KCP: variants seen among roughly 807,000 people sequenced by gnomAD.
KCP encodes the protein kielin/chordin-like protein.
A neutral mutation model predicts 212.7 loss-of-function variants in KCP; 194 were observed. The observed-to-expected ratio is 0.91, with a 90% CI of 0.81 to 1.03. KCP has a LOEUF of 1.03. KCP is among the 50% of genes least tolerant of loss of function. The pLI is 0.00. For missense variants in KCP, 2,080 were observed against 2,162.5 expected (o/e 0.96, Z 0.76); for synonymous variants, 833 against 865.3 (o/e 0.96, Z 0.65).
In KCP at chr7:128,892,735, G is replaced by T; in HGVS notation, c.1480C>A (p.Gln494Lys). ...TYHSQVYANGQNFTDADSPCH... is the reference protein window; with the variant it reads ...TYHSQVYANGKNFTDADSPCH... ...GGGCTGTCTGCATCCGTGAAGTTCT[G>T]CCCATTGGCATACACTTGGCTGTGG... Residue 494 changes from glutamine to lysine, a missense_variant, in exon 15 of 40, where the codon CAG becomes AAG. By Grantham distance (53) the Gln-to-Lys change is moderately conservative. Coordinates refer to ENST00000610776, the MANE Select transcript of KCP (RefSeq NM_001366122.1). 6.4e-7 allele frequency: 1 copy of T among 1,551,722 alleles called. No individual in the cohort carries two copies. Among genetic ancestry groups the T allele is most frequent in the Non-Finnish European group, 8.7e-7 (1 of 1,146,960 alleles).
rs751461116 is a variant in KCP at position 128,910,556 on chromosome 7, G to C, written c.76+45C>G. 4.0e-6 allele frequency: 6 copies of C among 1,484,372 alleles called. No homozygotes were observed. In the South Asian group the frequency reaches 7.6e-5, roughly 19 times the overall value. The allele number at this position is 1,484,372 out of a possible 1,614,324, so 92.0% of individuals were successfully genotyped here. ...CTCAGGCCGGGCTGATAGGAGGGAG[G>C]GGGCGCACCTGGCCGGACCCCAAGC... On this transcript the variant is annotated intron_variant, in intron 1 of 39. Transcript: ENST00000610776.
intron 5 of KCP, chr7:128,904,499 T>A: frequency 1.3e-6 from 1 of 780,326 alleles, no homozygotes; most frequent in Non-Finnish European, 2.1e-6. Flanking sequence ...AGAGCTGGCT[T>A]ACTCTGCAGG....
intron 2 of KCP, 40 bp from the exon 3 acceptor site, chr7:128,907,493 TC>T: frequency 7.4e-7 from 1 of 1,346,462 alleles, no homozygotes. Context: ...TGGCTCAGCT[TC>T]CCCCACCATC....
Position 128,891,653 on chromosome 7 carries a change from G to A in KCP, c.1788C>T (p.Asp596=). 1 of 1,464,804 alleles carries A rather than the reference G, an allele frequency of 6.8e-7. No individual in the cohort carries two copies. Among genetic ancestry groups the A allele is most frequent in the Non-Finnish European group, 9.0e-7 (1 of 1,106,352 alleles). The allele number at this position is 1,464,804 out of a possible 1,614,324, so 90.7% of individuals were successfully genotyped here. The change falls in exon 17 of 40, where the codon GAC becomes GAT. Residue 596 remains aspartate, a synonymous_variant. Transcript: ENST00000610776. ...CTGACCCGCCCACCTCACCGCTGCAGTCGTTCGGGCAGCAGGTCCCAGGCA... is the reference window on the plus strand; with the variant it reads ...CTGACCCGCCCACCTCACCGCTGCAATCGTTCGGGCAGCAGGTCCCAGGCA... ...HPLPGTCCPN[D]CSGCAFGGKE...
Position 128,891,696 on chromosome 7 carries a change from G to T in KCP, c.1745C>A (p.Ala582Asp). 1 of 1,451,078 alleles carries T rather than the reference G, an allele frequency of 6.9e-7. No individual in the cohort carries two copies. The highest frequency in any genetic ancestry group is 9.1e-7 in the Non-Finnish European group (1 of 1,100,606). The allele number at this position is 1,451,078 out of a possible 1,614,324, so 89.9% of individuals were successfully genotyped here. A position where few individuals can be genotyped will look rare whatever the true frequency, so the allele number is the denominator to read the frequency against. ...CCCAGGCAGCGGGTGGGCACAGGGGGCCCTGGGGCAGGGGCGAGGCTGGCA... is the reference window on the plus strand; with the variant it reads ...CCCAGGCAGCGGGTGGGCACAGGGGTCCCTGGGGCAGGGGCGAGGCTGGCA... ...AHCQPRPCPR[A>D]PCAHPLPGTC... The change falls in exon 17 of 40, where the codon GCC (alanine) becomes GAC (aspartate). Residue 582 changes from alanine (A) to aspartate (D), a missense_variant. Ala to Asp is a moderately radical substitution (Grantham distance 126, BLOSUM62 -2). Coordinates refer to ENST00000610776, the MANE Select transcript of KCP (RefSeq NM_001366122.1).
Position 128,893,827 on chromosome 7 carries a change from GC to G in KCP, c.1077del (p.Gln360SerfsTer154), listed in dbSNP as rs1440133642. ...TCACCATCGCAGACAGGGCAGCACTGCCCAGGGATCTTGCCTGGGTGTCTGC... is the reference window on the plus strand; with the variant it reads ...TCACCATCGCAGACAGGGCAGCACTGCCAGGGATCTTGCCTGGGTGTCTGC... ...VPCRHPGKIP[G>X]QCCPVCDGCE... On this transcript the variant is annotated frameshift_variant, in exon 11 of 40. Coordinates refer to ENST00000610776, the MANE Select transcript of KCP (RefSeq NM_001366122.1). LOFTEE classifies it high-confidence loss of function. 1 of 1,550,868 alleles carries G rather than the reference GC, an allele frequency of 6.4e-7. No individual in the cohort carries two copies. Among genetic ancestry groups the G allele is most frequent in the Non-Finnish European group, 8.7e-7 (1 of 1,146,964 alleles).
chr7:128,905,387 C>T (rs10232166), intron 5 of KCP, among the ~76,000 whole-genome samples: 8,753 of 152,162 alleles, frequency 0.058, 633 homozygotes, highest in African/African-American at 0.16. Flanking sequence ...CAGTAACACC[C>T]CCCTGCATAG....
chr7:128,876,870 G>T lies in KCP; in HGVS notation c.*173C>A. The T allele has an allele frequency of 1.5e-6, 1 of 668,702 alleles. No homozygotes were observed. The highest frequency in any genetic ancestry group is 2.5e-5 in the South Asian group (1 of 39,858). The allele number at this position is 668,702 out of a possible 1,614,324, so 41.4% of individuals were successfully genotyped here. A position where few individuals can be genotyped will look rare whatever the true frequency, so the allele number is the denominator to read the frequency against. On this transcript the variant is annotated 3_prime_UTR_variant, in exon 40 of 40. Coordinates refer to ENST00000610776, the MANE Select transcript of KCP (RefSeq NM_001366122.1). ...CACACACACACAAGGAAGCCTTCGG[G>T]CAGGCCTAGAGTTTACTGCTGGTGA...
Position 128,893,912 on chromosome 7 carries a change from C to A in KCP, c.1006-13G>T, listed in dbSNP as rs1794347085. The A allele has an allele frequency of 6.4e-7, 1 of 1,550,880 alleles. No homozygotes were observed. Among genetic ancestry groups the A allele is most frequent in the Admixed American group, 2.0e-5 (1 of 50,982 alleles). On this transcript the variant is annotated splice_polypyrimidine_tract_variant and intron_variant, in intron 10 of 39. Transcript: ENST00000610776. The stretch of plus-strand genomic sequence containing the variant: ...GGACACTCCCATTCTGCCAACAGGG[C>A]CTGGTCAGCACGCCAGAGGCAGGCC...
rs1794352516 is a variant in KCP, at chr7:128,893,957, G to C, written c.1005+19C>G. On this transcript the variant is annotated intron_variant, in intron 10 of 39. Coordinates refer to ENST00000610776, the MANE Select transcript of KCP (RefSeq NM_001366122.1). ...CAGGCCCCGGAGCCAGGCCCTCCCT[G>C]CCAGGCAGCCACACTCACAGCACAG... 6.5e-7 allele frequency: 1 copy of C among 1,549,254 alleles called. No individual in the cohort carries two copies. The highest frequency in any genetic ancestry group is 1.4e-5 in the African/African-American group (1 of 73,150).
chr7:128,904,945 T>A (rs190057258), intron 5 of KCP, among the ~76,000 whole-genome samples: 65 of 152,300 alleles, frequency 4.3e-4, no homozygotes, highest in Middle Eastern at 6.8e-3. Context: ...AGACATCATA[T>A]AGGCTAGCAG....
chr7:128,877,706 G>A lies in KCP; in HGVS notation c.4396C>T (p.Arg1466Cys), dbSNP rs1048526164. The A allele has an allele frequency of 3.4e-5, 52 of 1,551,108 alleles. No individual in the cohort carries two copies. The highest frequency in any genetic ancestry group is 1.1e-4 in the African/African-American group (8 of 73,058). The change falls in exon 39 of 40, where the codon CGT becomes TGT. Residue 1466 changes from arginine to cysteine, a missense_variant. Transcript: ENST00000610776. ...ACCCCACACCGGGCATTGGCCTCAC[G>A]CCTGGCACGGTAACCTGCTGCCCGG... ...PCRAAGYRAR[R>C]EANARCGVLK...
chr7:128,877,475 C>T lies in KCP; in HGVS notation c.4618+9G>A, dbSNP rs1324014910. ...CTCCCCCAACCTGCAGCGGGCATCA[C>T]CCCCTCACCACACAGCGTGGGGCCT... On this transcript the variant is annotated intron_variant, in intron 39 of 39. Transcript: ENST00000610776. 6.4e-7 allele frequency: 1 copy of T among 1,550,630 alleles called. No individual in the cohort carries two copies. Among genetic ancestry groups the T allele is most frequent in the Non-Finnish European group, 8.7e-7 (1 of 1,146,712 alleles).
intron 2 of KCP, 114 bp downstream of exon 2, chr7:128,908,312 T>G: frequency 1.9e-6 from 1 of 517,432 alleles, no homozygotes; most frequent in Non-Finnish European, 2.7e-6. Flanking sequence ...GAAAGGGAAT[T>G]GTTCAGATAA....
In KCP at chr7:128,891,174, G is replaced by C. The variant is rs1353014471; in HGVS notation, c.1972+11C>G. Reference sequence around the variant, plus strand: ...CCCCAGGGAGGAGCAGCCGAGGGGTGCGGCCCCTACCTGGGCACTGCGGGC... The same window carrying C: ...CCCCAGGGAGGAGCAGCCGAGGGGTCCGGCCCCTACCTGGGCACTGCGGGC... On this transcript the variant is annotated intron_variant, in intron 19 of 39. Transcript: ENST00000610776. The C allele has an allele frequency of 6.5e-7, 1 of 1,541,862 alleles. No individual in the cohort carries two copies. The highest frequency in any genetic ancestry group is 8.7e-7 in the Non-Finnish European group (1 of 1,146,312).
At position 128,902,767 on chromosome 7, in the gene KCP, C is replaced by T; in HGVS notation, c.831+10G>A. On this transcript the variant is annotated intron_variant, in intron 8 of 39. Transcript: ENST00000610776. ...GAGGGGGACAGACCAGGAGCAGCCT[C>T]AGGACTCACCAGGCACCGGCAGATT... is the stretch of plus-strand genomic sequence containing the variant. 1 of 1,551,144 alleles carries T rather than the reference C, an allele frequency of 6.4e-7. No homozygotes were observed. Among genetic ancestry groups the T allele is most frequent in the Non-Finnish European group, 8.7e-7 (1 of 1,146,636 alleles).
Position 128,884,050 on chromosome 7 carries a change from T to G in KCP, c.3196A>C (p.Ser1066Arg). The change falls in exon 29 of 40, where the codon AGC becomes CGC. Residue 1066 changes from serine to arginine, a missense_variant. Transcript: ENST00000610776. Reference protein sequence around the residue: ...QCPSLVGCPPSQLLPPGPQHC... With the variant: ...QCPSLVGCPPRQLLPPGPQHC... ...TGGGGCCCAGGGGGCAGGAGCTGGC[T>G]GGGGGGGCAGCCCACCAGGCTGGGA... The G allele has an allele frequency of 1.9e-6, 3 of 1,546,278 alleles. No individual in the cohort carries two copies. The highest frequency in any genetic ancestry group is 2.6e-6 in the Non-Finnish European group (3 of 1,145,552).
At position 128,877,567 on chromosome 7, in the gene KCP, C is replaced by T. The variant is rs1400384120; in HGVS notation, c.4535G>A (p.Cys1512Tyr). ...ACGPGSSADA[C>Y]LCDALEAYAS... ...GTAGGCTTCCAGGGCATCACAGAGG[C>T]AGGCATCAGCGGAGGAGCCAGGGCC... Residue 1512 changes from cysteine to tyrosine, a missense_variant, in exon 39 of 40, where the codon TGC becomes TAC. By Grantham distance (194) the Cys-to-Tyr change is radical. Transcript: ENST00000610776. 1.3e-6 allele frequency: 2 copies of T among 1,551,472 alleles called. No individual in the cohort carries two copies. Among genetic ancestry groups the T allele is most frequent in the Non-Finnish European group, 1.7e-6 (2 of 1,147,012 alleles).
intron 8 of KCP, among the ~76,000 whole-genome samples, chr7:128,895,334 T>C (rs6970207): frequency 6.6e-6 from 1 of 152,196 alleles, no homozygotes; most frequent in African/African-American, 2.4e-5. Context: ...AGGGGGCTGG[T>C]GTGGCATCTA....
Sources: gnomAD v4.1 joint callset for allele counts (sites outside exome capture counted in the v4.1 genomes callset) on GRCh38, gnomAD v4.1.1 for gene constraint, MANE v1.5 for transcripts, NCBI Gene and HGNC (gene_info 2026-07-23, HGNC 2026-07-21) for gene names.